PHF19: variants seen among roughly 807,000 people sequenced by gnomAD.
PHF19 encodes the protein PHD finger protein 19.
In PHF19, 21 loss-of-function variants were observed where a neutral mutation model predicts 79.8. That is an observed-to-expected ratio of 0.26 (90% CI 0.19 to 0.38). The LOEUF (loss-of-function observed/expected upper bound fraction) is 0.38. Ranked by LOEUF, PHF19 falls within the 10% of genes least tolerant of loss-of-function variation. The pLI is 1.00. For missense variants in PHF19, 445 were observed against 744.2 expected (o/e 0.60, Z 4.68); for synonymous variants, 273 against 296.3 (o/e 0.92, Z 0.81).
the PHF19 span, chr9:120,902,347 C>T: frequency 6.6e-6 from 1 of 152,110 alleles, no homozygotes; most frequent in Admixed American, 6.5e-5. Flanking sequence ...ATCTTGCCTC[C>T]CCCACCCTTG....
At chr9:120,881,998 G>T (rs2046193240), upstream of PHF19, among the ~76,000 whole-genome samples, 2 of 152,244 alleles carry the variant, frequency 1.3e-5, no homozygotes, top group Admixed American at 6.5e-5. Flanking sequence ...CTGACTTCAT[G>T]ATCCACCAGC....
Position 120,862,117 on chromosome 9 carries a change from C to G in PHF19, c.1131-112G>C. 1.3e-6 allele frequency: 1 copy of G among 776,154 alleles called. No individual in the cohort carries two copies. The highest frequency in any genetic ancestry group is 2.3e-6 in the Non-Finnish European group (1 of 429,350). 48.1% of individuals were successfully genotyped at this position (776,154 alleles called of 1,614,324 possible). A position where few individuals can be genotyped will look rare whatever the true frequency, so the allele number is the denominator to read the frequency against. Reference sequence around the variant, plus strand: ...GTCACAGCAGTTGGGGAGACAGGCTCTGAACACAGCTGCACCTTCACAGGG... The same window carrying G: ...GTCACAGCAGTTGGGGAGACAGGCTGTGAACACAGCTGCACCTTCACAGGG... On this transcript the variant is annotated intron_variant, in intron 11 of 14. Transcript: ENST00000373896. The surrounding 1 kb of genome is among the most constrained non-coding windows in gnomAD (Gnocchi z 4.6).
chr9:120,865,584 G>A (rs758899439), intron 9 of PHF19, 126 bp downstream of exon 9: 78 of 1,217,570 alleles, frequency 6.4e-5, no homozygotes, highest in Non-Finnish European at 8.4e-5. Flanking sequence ...CAAGATCAGA[G>A]GCCTGGACTC....
At chr9:120,864,245 C>A (rs1308248118) in intron 9 of PHF19, 129 bp from the exon 10 acceptor site, 3 of 732,234 alleles carry the variant, frequency 4.1e-6, no homozygotes, top group Non-Finnish European at 7.2e-6. Context: ...CTGACTCACT[C>A]CAGGATCTCA....
chr9:120,862,850 C>T lies in PHF19; in HGVS notation c.969-101G>A. ...CACAAGCCTCTCTGCCTCCTTGGAC[C>T]CAGAGCTAAAATCCGGATGGTCTCT... On this transcript the variant is annotated intron_variant, in intron 10 of 14. Coordinates refer to ENST00000373896, the MANE Select transcript of PHF19 (RefSeq NM_015651.3). The surrounding 1 kb of genome is among the most constrained non-coding windows in gnomAD (Gnocchi z 4.6). The T allele has an allele frequency of 1.8e-6, 2 of 1,132,492 alleles. No individual in the cohort carries two copies. The highest frequency in any genetic ancestry group is 2.3e-4 in the Middle Eastern group (1 of 4,352). 70.2% of individuals were successfully genotyped at this position (1,132,492 alleles called of 1,614,324 possible). A position where few individuals can be genotyped will look rare whatever the true frequency, so the allele number is the denominator to read the frequency against.
intron 1 of PHF19, chr9:120,876,276 C>G (rs1259064019): frequency 6.6e-6 from 1 of 152,454 alleles, no homozygotes; most frequent in South Asian, 2.1e-4. Flanking sequence ...TCCCTGTCCT[C>G]TCCCTGCCAC....
At chr9:120,864,017 C>A (rs780785700) in intron 10 of PHF19, 32 bp downstream of exon 10, 1 of 1,581,068 alleles carries the variant, frequency 6.3e-7, no homozygotes, top group African/African-American at 1.3e-5. Flanking sequence ...TGTAGAGGGC[C>A]CCACCACACT....
At position 120,874,846 on chromosome 9, in the gene PHF19, CTG is replaced by C. The variant is rs2046002249; in HGVS notation, c.-15-92_-15-91del. The C allele has an allele frequency of 2.6e-6, 2 of 778,740 alleles. No homozygotes were observed. The highest frequency in any genetic ancestry group is 4.2e-6 in the Non-Finnish European group (2 of 471,954). The allele number at this position is 778,740 out of a possible 1,614,324, so 48.2% of individuals were successfully genotyped here. On this transcript the variant is annotated intron_variant, in intron 1 of 14. Transcript: ENST00000373896. The surrounding 1 kb of genome is among the most constrained non-coding windows in gnomAD (Gnocchi z 4.5). ...GGAAGGAAACCACCATTTCTGTACC[CTG>C]TGCTATAAGCCAGACTTGGTTATTA...
chr9:120,872,066 A>AAAAAAAAAG (rs1564506588), intron 3 of PHF19, among the ~76,000 whole-genome samples: 3 of 148,490 alleles, frequency 2.0e-5, no homozygotes, highest in Non-Finnish European at 3.0e-5. Context: ...AAAAAAAAAA[A>AAAAAAAAAG]AAGAAATGGT....
chr9:120,890,734 T>C (rs1349037805), intron 1 of PHF19, among the ~76,000 whole-genome samples: 1 of 152,198 alleles, frequency 6.6e-6, no homozygotes, highest in Non-Finnish European at 1.5e-5. Context: ...CTCCAAATCC[T>C]ATCCTTCCCT....
Position 120,882,431 on chromosome 9 carries a change from G to A in PHF19, c.43-7675C>T, listed in dbSNP as rs966108585. ...TGTTACTTTTAAAATCAGATTTATC[G>A]AAATATACTTCACGTATGACAAATT... On this transcript the variant is annotated intron_variant, in intron 1 of 14. Transcript: ENST00000616568. 4.6e-5 allele frequency among the ~76,000 whole-genome samples: 5 copies of A among 109,676 alleles called. No individual in the cohort carries two copies. The South Asian group carries it at 1.2e-3, about 26-fold the overall frequency. 72.0% of individuals were successfully genotyped at this position (109,676 alleles called of 152,430 possible).
chr9:120,877,073 C>T lies in PHF19; in HGVS notation c.-16+18G>A, dbSNP rs1260983784. 2 of 985,338 alleles carry T rather than the reference C, an allele frequency of 2.0e-6. No homozygotes were observed. Among genetic ancestry groups the T allele is most frequent in the African/African-American group, 1.7e-5 (1 of 57,232 alleles). 61.0% of individuals were successfully genotyped at this position (985,338 alleles called of 1,614,324 possible). ...GGGAGAGCGTGGCGGGGAGTCCGCC[C>T]AACAGCGCAGAACTCACCGCGAGGC... is the stretch of plus-strand genomic sequence containing the variant. On this transcript the variant is annotated intron_variant, in intron 1 of 14. Transcript: ENST00000373896.
At chr9:120,902,661 C>T in the PHF19 span, 1 of 152,208 alleles carries the variant, frequency 6.6e-6, no homozygotes, top group Admixed American at 6.5e-5. Flanking sequence ...TTCCCTTTTC[C>T]CCATCCTCTG....
At chr9:120,886,584 A>C (rs1397507804) in intron 1 of PHF19, among the ~76,000 whole-genome samples, 2 of 151,928 alleles carry the variant, frequency 1.3e-5, no homozygotes, top group Non-Finnish European at 2.9e-5. Flanking sequence ...TTAGCCATGC[A>C]CTCCTGGTGT....
chr9:120,902,967 T>C, the PHF19 span: 5 of 152,180 alleles, frequency 3.3e-5, no homozygotes, highest in African/African-American at 1.2e-4. Context: ...CCATCAGAAA[T>C]AGGCAATCAA....
upstream of PHF19, among the ~76,000 whole-genome samples, chr9:120,895,976 A>G (rs2046398119): frequency 6.6e-6 from 1 of 152,112 alleles, no homozygotes; most frequent in African/African-American, 2.4e-5. Context: ...TAAGTGGGTA[A>G]ATTGTATGGT....
chr9:120,901,805 GTTC>G, the PHF19 span, among the ~76,000 whole-genome samples: 1 of 152,306 alleles, frequency 6.6e-6, no homozygotes, highest in East Asian at 1.9e-4. Context: ...GCAGGGGAAG[GTTC>G]TGATGCCCCA....
At position 120,869,953 on chromosome 9, in the gene PHF19, A is replaced by G. The variant is rs2045844538; in HGVS notation, c.365-8T>C. On this transcript the variant is annotated splice_polypyrimidine_tract_variant and splice_region_variant and intron_variant, in intron 4 of 14. Coordinates refer to ENST00000373896, the MANE Select transcript of PHF19 (RefSeq NM_015651.3). This position sits in a 1 kb window ranked among gnomAD's most constrained non-coding sequence, Gnocchi z 5.8. ...GGCACTGCTGGTGGTAACCTACGGC[A>G]GAGGAGGGGGCGGTGAGCGCCCACA... The G allele has an allele frequency of 1.9e-6, 3 of 1,566,186 alleles. No individual in the cohort carries two copies. The highest frequency in any genetic ancestry group is 2.6e-6 in the Non-Finnish European group (3 of 1,155,628).
At chr9:120,896,805 G>A (rs1303285054), upstream of PHF19, among the ~76,000 whole-genome samples, 2 of 152,152 alleles carry the variant, frequency 1.3e-5, no homozygotes, top group Admixed American at 6.5e-5. Context: ...GAGATGCTGC[G>A]TTGCACACCC....
Sources: gnomAD v4.1 joint callset for allele counts (sites outside exome capture counted in the v4.1 genomes callset) on GRCh38, gnomAD v4.1.1 for gene constraint, Gnocchi (gnomAD v3.1) non-coding constraint, MANE v1.5 for transcripts, NCBI Gene and HGNC (gene_info 2026-07-23, HGNC 2026-07-21) for gene names.